Variants in TBC1D13 observed in about 807,000 individuals in gnomAD.
TBC1D13 encodes epididymis secretory sperm binding protein.
TBC1D13 carries 40 observed loss-of-function variants against 53.6 expected under a neutral mutation model. The observed-to-expected ratio is 0.75, with a 90% CI of 0.58 to 0.97. The LOEUF (loss-of-function observed/expected upper bound fraction) is 0.97, where lower values mean the gene tolerates loss of function less well. Ranked by LOEUF, TBC1D13 falls within the 50% of genes least tolerant of loss-of-function variation. TBC1D13 has a pLI of 0.00. For synonymous variants in TBC1D13, 182 were observed against 197.7 expected, an observed-to-expected ratio of 0.92 and a Z score of 0.67; for missense variants, 377 against 499.4, an observed-to-expected ratio of 0.75 and a Z score of 2.34.
In TBC1D13 at chr9:128,804,136, C is replaced by T. The variant is rs1829785313; in HGVS notation, c.918+17C>T. On this transcript the variant is annotated intron_variant, in intron 9 of 11. Coordinates refer to ENST00000372648, the MANE Select transcript of TBC1D13 (RefSeq NM_018201.5). ...CTGAAACTGGTGAGGACCCCAGGAACAGACGGGTGGAAAGGGACAGGAGGC... is the reference window on the plus strand; with the variant it reads ...CTGAAACTGGTGAGGACCCCAGGAATAGACGGGTGGAAAGGGACAGGAGGC... 6.2e-7 allele frequency: 1 copy of T among 1,612,528 alleles called. No individual in the cohort carries two copies.
rs1291184106 is a variant in TBC1D13, at chr9:128,792,589, T to G, written c.383+15T>G. Reference sequence around the variant, plus strand: ...AAAGATGTCCGGTAGGCAGGGTGCCTGGGGCCGGGAGCTGGCCCATGGGAC... The same window carrying G: ...AAAGATGTCCGGTAGGCAGGGTGCCGGGGGCCGGGAGCTGGCCCATGGGAC... On this transcript the variant is annotated intron_variant, in intron 6 of 11. Coordinates refer to ENST00000372648, the MANE Select transcript of TBC1D13 (RefSeq NM_018201.5). The G allele has an allele frequency of 6.2e-7, 1 of 1,612,636 alleles. No homozygotes were observed. The highest frequency in any genetic ancestry group is 8.5e-7 in the Non-Finnish European group (1 of 1,179,204).
chr9:128,810,111 C>T lies in TBC1D13; in HGVS notation c.*2232C>T, dbSNP rs1389829236. The T allele has an allele frequency of 1.3e-5, 2 of 152,204 alleles. No homozygotes were observed. The highest frequency in any genetic ancestry group is 2.9e-5 in the Non-Finnish European group (2 of 68,062). 9.4% of individuals were successfully genotyped at this position (152,204 alleles called of 1,614,324 possible). ...TTGACCTTGAGATGAAGGTCAAGAG[C>T]ACAGGGACCAGGCCTTGGTTAGGCT... On this transcript the variant is annotated 3_prime_UTR_variant, in exon 12 of 12. Transcript: ENST00000372648.
In TBC1D13 at chr9:128,804,005, G is replaced by A; in HGVS notation, c.804G>A (p.Glu268=). 6.2e-7 allele frequency: 1 copy of A among 1,614,006 alleles called. No individual in the cohort carries two copies. Among genetic ancestry groups the A allele is most frequent in the Non-Finnish European group, 8.5e-7 (1 of 1,180,026 alleles). The part of the protein sequence containing the change: ...TFFCFTNLMA[E]IRDNFIKSLD... ...TCTGCTTCACCAACCTCATGGCCGA[G>A]ATCCGGGACAACTTTATCAAGAGCC... The change falls in exon 9 of 12, where the codon GAG becomes GAA. Residue 268 remains glutamate, a synonymous_variant. Coordinates refer to ENST00000372648, the MANE Select transcript of TBC1D13 (RefSeq NM_018201.5).
At chr9:128,802,976 C>A (rs1471388073) in intron 7 of TBC1D13, among the ~76,000 whole-genome samples, 1 of 152,130 alleles carries the variant, frequency 6.6e-6, no homozygotes, top group East Asian at 1.9e-4. Flanking sequence ...CTCAAGTGAT[C>A]CTCCTGCCTT....
intron 6 of TBC1D13, among the ~76,000 whole-genome samples, chr9:128,796,377 G>A (rs1224427990): frequency 2.0e-5 from 3 of 152,060 alleles, no homozygotes; most frequent in Non-Finnish European, 4.4e-5. Context: ...AGCCTCCTGA[G>A]TAGCTGGGAT....
chr9:128,806,260 C>G lies in TBC1D13; in HGVS notation c.1086C>G (p.Ile362Met). Reference protein sequence around the residue: ...LLVCCAMLMLIREQLLEGDFT... With the variant: ...LLVCCAMLMLMREQLLEGDFT... ...TTGCTGCTGCTTTTCATAGGCTGAT[C>G]CGGGAGCAGTTGCTGGAAGGGGACT... Residue 362 changes from isoleucine (I) to methionine (M), a missense_variant, in exon 11 of 12, where the codon ATC becomes ATG. Ile to Met is a conservative substitution (Grantham distance 10, BLOSUM62 1). Coordinates refer to ENST00000372648, the MANE Select transcript of TBC1D13 (RefSeq NM_018201.5). The G allele has an allele frequency of 6.2e-7, 1 of 1,614,140 alleles. No homozygotes were observed. Among genetic ancestry groups the G allele is most frequent in the Non-Finnish European group, 8.5e-7 (1 of 1,180,044 alleles).
intron 6 of TBC1D13, among the ~76,000 whole-genome samples, chr9:128,794,520 G>C (rs185462148): frequency 5.9e-5 from 9 of 152,038 alleles, no homozygotes; most frequent in Admixed American, 5.9e-4. Context: ...CTGTCACCCA[G>C]GCTGGAGTGC....
chr9:128,787,615 C>T (rs59121749), intron 1 of TBC1D13, among the ~76,000 whole-genome samples: 137 of 151,222 alleles, frequency 9.1e-4, no homozygotes, highest in African/African-American at 3.1e-3. Flanking sequence ...CCTGGTGTCC[C>T]CCTTCCCCTG....
chr9:128,803,208 C>A (rs781599201), intron 7 of TBC1D13, 42 bp from the exon 8 acceptor site: 2 of 1,584,820 alleles, frequency 1.3e-6, no homozygotes, highest in Non-Finnish European at 1.7e-6. Flanking sequence ...CCACTGACCC[C>A]AGCATTGTCT....
At chr9:128,797,332 G>C in intron 7 of TBC1D13, 118 bp downstream of exon 7, 2 of 1,106,882 alleles carry the variant, frequency 1.8e-6, no homozygotes, top group South Asian at 3.1e-5. Context: ...GTTACTCAGC[G>C]CAATCCTGAT....
chr9:128,796,531 G>A (rs577772828), intron 6 of TBC1D13, among the ~76,000 whole-genome samples: 13 of 152,186 alleles, frequency 8.5e-5, no homozygotes, highest in African/African-American at 2.9e-4. Flanking sequence ...GATTATAGGC[G>A]TGAGCCACCG....
At chr9:128,792,402 C>A in intron 5 of TBC1D13, 90 bp from the exon 6 acceptor site, 1 of 1,134,280 alleles carries the variant, frequency 8.8e-7, no homozygotes, top group Admixed American at 1.9e-5. Context: ...GGGATTGTTG[C>A]AGCAAGGCCA....
chr9:128,808,780 T>A lies in TBC1D13; in HGVS notation c.*901T>A, dbSNP rs144857005. ...CTAGGTCCTCCCAACTGGGAGGGAGTCCTCCGTGCCTCACTTAGAGGGTTC... is the reference window on the plus strand; with the variant it reads ...CTAGGTCCTCCCAACTGGGAGGGAGACCTCCGTGCCTCACTTAGAGGGTTC... On this transcript the variant is annotated 3_prime_UTR_variant, in exon 12 of 12. Coordinates refer to ENST00000372648, the MANE Select transcript of TBC1D13 (RefSeq NM_018201.5). 6.6e-6 allele frequency: 1 copy of A among 151,412 alleles called. No homozygotes were observed. Among genetic ancestry groups the A allele is most frequent in the African/African-American group, 2.4e-5 (1 of 41,112 alleles). 9.4% of individuals were successfully genotyped at this position (151,412 alleles called of 1,614,324 possible). A position where few individuals can be genotyped will look rare whatever the true frequency, so the allele number is the denominator to read the frequency against.
At chr9:128,789,193 CTT>C (rs1361813197) in intron 2 of TBC1D13, among the ~76,000 whole-genome samples, 4 of 151,812 alleles carry the variant, frequency 2.6e-5, no homozygotes, top group Middle Eastern at 3.4e-3. Context: ...CTTGGTGGCA[CTT>C]GCCTGTAATC....
At chr9:128,797,542 C>T (rs1829658558) in intron 7 of TBC1D13, among the ~76,000 whole-genome samples, 1 of 152,192 alleles carries the variant, frequency 6.6e-6, no homozygotes, top group Non-Finnish European at 1.5e-5. Context: ...GTGGTTCACG[C>T]CTGTAATCCC....
chr9:128,787,812 TG>T (rs1829456771), intron 1 of TBC1D13, among the ~76,000 whole-genome samples: 2 of 152,188 alleles, frequency 1.3e-5, no homozygotes, highest in African/African-American at 4.8e-5. Flanking sequence ...GGCTGAATTT[TG>T]CTCACTCTTC....
chr9:128,798,159 A>C (rs952909985), intron 7 of TBC1D13, among the ~76,000 whole-genome samples: 1 of 152,200 alleles, frequency 6.6e-6, no homozygotes. Context: ...AGGCTTAGGC[A>C]GTAGAATTGC....
chr9:128,797,492 G>A (rs1432625394), intron 7 of TBC1D13, among the ~76,000 whole-genome samples: 2 of 152,144 alleles, frequency 1.3e-5, no homozygotes, highest in Non-Finnish European at 2.9e-5. Context: ...CTCTGAGAAG[G>A]TCATTACAAA....
intron 7 of TBC1D13, among the ~76,000 whole-genome samples, chr9:128,799,416 G>T (rs1829693574): frequency 6.6e-6 from 1 of 152,152 alleles, no homozygotes; most frequent in African/African-American, 2.4e-5. Context: ...CATAAACTGG[G>T]CATAATCATT....
Sources: gnomAD v4.1 joint callset for allele counts (sites outside exome capture counted in the v4.1 genomes callset) on GRCh38, gnomAD v4.1.1 for gene constraint, MANE v1.5 for transcripts, NCBI Gene and HGNC (gene_info 2026-07-23, HGNC 2026-07-21) for gene names.